The following FANCA variants were observed in gnomAD, a reference collection of about 807,000 sequenced individuals.
FANCA encodes the protein Fanconi anemia group A protein.
A neutral mutation model predicts 194.3 loss-of-function variants in FANCA; 236 were observed. That is an observed-to-expected ratio of 1.21 (90% CI 1.09 to 1.35). The LOEUF is 1.35. Among genes scored for constraint, FANCA ranks in the 40% most tolerant of loss-of-function variants. FANCA has a pLI of 0.00. For missense variants in FANCA, 2,628 were observed against 1,813.9 expected (o/e 1.45, Z -8.15); for synonymous variants, 1,014 against 715.8 (o/e 1.42, Z -6.65).
intron 6 of FANCA, among the ~76,000 whole-genome samples, chr16:89,805,680 C>T (rs1335207927): frequency 1.3e-5 from 2 of 152,066 alleles, no homozygotes; most frequent in African/African-American, 2.4e-5. Flanking sequence ...AAAACAATCT[C>T]CCACCTTGCC....
rs1177499044 is a variant in FANCA at position 89,738,949 on chromosome 16, T to C, written c.4193A>G (p.Lys1398Arg). 1.2e-6 allele frequency: 2 copies of C among 1,614,246 alleles called. No homozygotes were observed. Among genetic ancestry groups the C allele is most frequent in the Non-Finnish European group, 1.7e-6 (2 of 1,180,052 alleles). Residue 1398 changes from lysine to arginine, a missense_variant, in exon 42 of 43, where the codon AAA becomes AGA. Transcript: ENST00000389301. ...GQGNPVELIT[K>R]ARLFLLQLIP... ...TAACTGCAGCAGAAAAAGACGAGCT[T>C]TTGTTATCAGTTCCACGGGGTTGCC...
intron 14 of FANCA, among the ~76,000 whole-genome samples, chr16:89,785,840 C>A (rs1053178668): frequency 6.9e-6 from 1 of 145,722 alleles, no homozygotes; most frequent in South Asian, 2.2e-4. Flanking sequence ...TTTCTGAAAG[C>A]GTGCAAAATT....
rs769404458 is a variant in FANCA at position 89,746,674 on chromosome 16, G to T, written c.3423C>A (p.Ala1141=). 6.2e-7 allele frequency: 1 copy of T among 1,614,144 alleles called. No homozygotes were observed. The highest frequency in any genetic ancestry group is 1.1e-5 in the South Asian group (1 of 91,064). Residue 1141 remains alanine (A), a synonymous_variant, in exon 35 of 43, where the codon GCC becomes GCA. Coordinates refer to ENST00000389301, the MANE Select transcript of FANCA (RefSeq NM_000135.4). ...GGGAGGGGTCTCTGCTCCGCAGACA[G>T]GCGTTCAGGAGGCCCTGCAGGAGAG... is the stretch of plus-strand genomic sequence containing the variant. The part of the protein sequence containing the change: ...TAHFFRGLLN[A]CLRSRDPSLM...
chr16:89,783,162 A>G, intron 15 of FANCA, 60 bp from the exon 16 acceptor site: 1 of 1,304,466 alleles, frequency 7.7e-7, no homozygotes, highest in Non-Finnish European at 1.1e-6. Context: ...GACTCCAGGG[A>G]GGCCACAATT....
At chr16:89,778,659 T>TTA in intron 20 of FANCA, 142 bp downstream of exon 20, 1 of 219,596 alleles carries the variant, frequency 4.6e-6, no homozygotes, top group Non-Finnish European at 8.0e-6. Flanking sequence ...AAAAAAAAAG[T>TTA]AACCAACCAA....
chr16:89,802,179 C>T lies in FANCA; in HGVS notation c.792+1080G>A, dbSNP rs17232365. Among the ~76,000 whole-genome samples, 514 of 152,236 alleles carry T rather than the reference C, an allele frequency of 3.4e-3. 2 individuals are homozygous for T. Among genetic ancestry groups the T allele is most frequent in the African/African-American group, 0.012 (490 of 41,554 alleles). ...GAGTGCAAGGCGCAATCTTGGCTCACTGCAACCTCCGCCTCCTGGGTTCAA... is the reference window on the plus strand; with the variant it reads ...GAGTGCAAGGCGCAATCTTGGCTCATTGCAACCTCCGCCTCCTGGGTTCAA... On this transcript the variant is annotated intron_variant, in intron 8 of 42. Coordinates refer to ENST00000389301, the MANE Select transcript of FANCA (RefSeq NM_000135.4).
In FANCA at chr16:89,738,742, G is replaced by GC. The variant is rs765925445; in HGVS notation, c.4261-35dup. 3 of 1,612,478 alleles carry GC rather than the reference G, an allele frequency of 1.9e-6. No homozygotes were observed. The Admixed American group carries it at 5.0e-5, about 27-fold the overall frequency. The stretch of plus-strand genomic sequence containing the variant: ...GAGGAGCAGGTCCTCAGCCCATGCC[G>GC]CCCACTAGGCCTCAGACCACAGGGG... On this transcript the variant is annotated intron_variant, in intron 42 of 42. Coordinates refer to ENST00000389301, the MANE Select transcript of FANCA (RefSeq NM_000135.4).
At chr16:89,786,628 C>G (rs921328412) in intron 14 of FANCA, among the ~76,000 whole-genome samples, 1 of 150,770 alleles carries the variant, frequency 6.6e-6, no homozygotes, top group Non-Finnish European at 1.5e-5. Flanking sequence ...TGTGTAGATT[C>G]TTTTGAATGT....
chr16:89,753,128 CGTAA>C (rs1428871110), intron 30 of FANCA, among the ~76,000 whole-genome samples: 135 of 152,282 alleles, frequency 8.9e-4, no homozygotes, highest in African/African-American at 3.1e-3. Flanking sequence ...GAAATAATGG[CGTAA>C]GCTGTCTTTC....
At chr16:89,786,179 C>T (rs1005522651) in intron 14 of FANCA, among the ~76,000 whole-genome samples, 104 of 103,818 alleles carry the variant, frequency 1.0e-3, no homozygotes, top group Non-Finnish European at 1.4e-3. Context: ...CCACCAAGCC[C>T]GGTTTTTTTT....
At chr16:89,763,919 A>AG (rs2039037788) in intron 28 of FANCA, among the ~76,000 whole-genome samples, 2 of 101,174 alleles carry the variant, frequency 2.0e-5, no homozygotes, top group South Asian at 3.9e-4. Flanking sequence ...AGACTCCACC[A>AG]GAAAAAAAAA....
intron 21 of FANCA, among the ~76,000 whole-genome samples, chr16:89,773,797 G>A (rs1257300509): frequency 7.0e-6 from 1 of 143,834 alleles, no homozygotes; most frequent in Non-Finnish European, 1.5e-5. Flanking sequence ...TTTTTGAGAT[G>A]GACTCTTGCT....
In FANCA at chr16:89,795,952, G is replaced by C. The variant is rs2040231867; in HGVS notation, c.960C>G (p.Phe320Leu). The C allele has an allele frequency of 6.2e-7, 1 of 1,614,026 alleles. No individual in the cohort carries two copies. Among genetic ancestry groups the C allele is most frequent in the Non-Finnish European group, 8.5e-7 (1 of 1,179,992 alleles). ...TGAGTATCTGAGTCAGGGTATGACT[G>C]AAGAACCTCTTCAGAGGATCTGTGG... The part of the protein sequence containing the change: ...VISTDPLKRF[F>L]SHTLTQILTH... The change falls in exon 11 of 43, where the codon TTC becomes TTG. Residue 320 changes from phenylalanine to leucine, a missense_variant. Physicochemically the swap from Phe to Leu is conservative, Grantham distance 22. Coordinates refer to ENST00000389301, the MANE Select transcript of FANCA (RefSeq NM_000135.4).
intron 23 of FANCA, 75 bp from the exon 24 acceptor site, chr16:89,770,709 C>G (rs1014463434): frequency 7.8e-7 from 1 of 1,289,788 alleles, no homozygotes. Flanking sequence ...CCAGCGCTCC[C>G]GCCACAGACA....
At chr16:89,776,563 C>G (rs529942523) in intron 20 of FANCA, among the ~76,000 whole-genome samples, 1 of 152,162 alleles carries the variant, frequency 6.6e-6, no homozygotes, top group South Asian at 2.1e-4. Flanking sequence ...CGCGGTGGAT[C>G]CCGCCTGTAA....
chr16:89,811,955 T>A (rs1243378524), intron 3 of FANCA, among the ~76,000 whole-genome samples: 1 of 150,838 alleles, frequency 6.6e-6, no homozygotes, highest in African/African-American at 2.4e-5. Flanking sequence ...TCGTCTCCAA[T>A]TCCCAACCTC....
At chr16:89,792,680 A>G (rs2040117369) in intron 11 of FANCA, 133 bp from the exon 12 acceptor site, 3 of 737,670 alleles carry the variant, frequency 4.1e-6, no homozygotes, top group Non-Finnish European at 7.1e-6. Context: ...AAAGAAAGAT[A>G]CAAGACAAAG....
At chr16:89,778,655 A>ATTAAC in intron 20 of FANCA, 146 bp downstream of exon 20, 1 of 674,786 alleles carries the variant, frequency 1.5e-6, no homozygotes, top group Non-Finnish European at 2.5e-6. Context: ...AAAAAAAAAA[A>ATTAAC]AAGTAACCAA....
rs367624039 is a variant in FANCA at position 89,778,853 on chromosome 16, G to C, written c.1777-3C>G. ...CGGGAGTCAGGGACTTTGGGGAGCTGTGGGAAGAGAAGAGACCTGTGAGAG... is the reference window on the plus strand; with the variant it reads ...CGGGAGTCAGGGACTTTGGGGAGCTCTGGGAAGAGAAGAGACCTGTGAGAG... On this transcript the variant is annotated splice_polypyrimidine_tract_variant and splice_region_variant and intron_variant, in intron 19 of 42. Transcript: ENST00000389301. The C allele has an allele frequency of 1.9e-6, 3 of 1,614,078 alleles. No individual in the cohort carries two copies. The highest frequency in any genetic ancestry group is 2.2e-5 in the East Asian group (1 of 44,890).
Sources: allele counts gnomAD v4.1 joint callset (sites outside exome capture counted in the v4.1 genomes callset), GRCh38; gene constraint gnomAD v4.1.1; transcripts MANE v1.5; gene names NCBI Gene and HGNC (gene_info 2026-07-23, HGNC 2026-07-21).